The following POU2F1 variants were observed in gnomAD, a reference collection of about 807,000 sequenced individuals.
POU2F1 encodes POU class 2 homeobox 1.
POU2F1 carries 16 observed loss-of-function variants against 84.9 expected under a neutral mutation model. That is an observed-to-expected ratio of 0.19 (90% confidence interval 0.13 to 0.29). The LOEUF (loss-of-function observed/expected upper bound fraction) is 0.29, where lower values mean the gene tolerates loss of function less well. Among genes scored for constraint, POU2F1 ranks in the 10% least tolerant of loss-of-function variants. The pLI is 1.00. For missense variants in POU2F1, 738 were observed against 942.6 expected, an observed-to-expected ratio of 0.78 and a Z score of 2.84; for synonymous variants, 368 against 368.3, an observed-to-expected ratio of 1.00 and a Z score of 0.01.
At chr1:167,348,421 T>C (rs1660584145) in intron 2 of POU2F1, among the ~76,000 whole-genome samples, 1 of 152,168 alleles carries the variant, frequency 6.6e-6, no homozygotes, top group Non-Finnish European at 1.5e-5. Context: ...CAAACTTTTT[T>C]CCATAGCAGC....
intron 1 of POU2F1, among the ~76,000 whole-genome samples, chr1:167,298,419 G>A (rs1381251743): frequency 6.6e-6 from 1 of 152,078 alleles, no homozygotes; most frequent in Non-Finnish European, 1.5e-5. Context: ...TAAGATAATA[G>A]CAAGCAGAAG....
intron 1 of POU2F1, among the ~76,000 whole-genome samples, chr1:167,248,794 A>G (rs1209618611): frequency 1.3e-5 from 2 of 152,196 alleles, no homozygotes; most frequent in Non-Finnish European, 2.9e-5. Context: ...ATTATGTGCC[A>G]ATTGCTATTC....
chr1:167,389,918 A>G (rs1388640820), intron 9 of POU2F1, among the ~76,000 whole-genome samples, 157 bp downstream of exon 9: 1 of 152,228 alleles, frequency 6.6e-6, no homozygotes, highest in Non-Finnish European at 1.5e-5. Flanking sequence ...CTGAACATGT[A>G]TAGACTTTTT....
chr1:167,235,818 A>G (rs1416934637), intron 1 of POU2F1, among the ~76,000 whole-genome samples: 1 of 152,218 alleles, frequency 6.6e-6, no homozygotes, highest in Non-Finnish European at 1.5e-5. Context: ...TAAGTGAATT[A>G]ATGCAGGAAC....
At chr1:167,347,613 T>C (rs1203871635) in intron 2 of POU2F1, among the ~76,000 whole-genome samples, 2 of 152,234 alleles carry the variant, frequency 1.3e-5, no homozygotes, top group African/African-American at 4.8e-5. Context: ...GTTGTGCAGC[T>C]ACCAATCTAT....
intron 3 of POU2F1, among the ~76,000 whole-genome samples, chr1:167,367,126 C>T (rs142163982): frequency 7.2e-5 from 11 of 152,180 alleles, no homozygotes; most frequent in Admixed American, 2.6e-4. Context: ...TTTGAAATTG[C>T]GACACCATTG....
chr1:167,403,513 A>G (rs1037619494), intron 13 of POU2F1, among the ~76,000 whole-genome samples: 6 of 151,964 alleles, frequency 3.9e-5, no homozygotes, highest in Non-Finnish European at 8.8e-5. Flanking sequence ...CCCCTTTTTA[A>G]TTTGTTTTTC....
chr1:167,386,664 A>T (rs551322005), intron 8 of POU2F1, among the ~76,000 whole-genome samples: 1 of 152,378 alleles, frequency 6.6e-6, no homozygotes, highest in African/African-American at 2.4e-5. Context: ...CATAAGCTTT[A>T]GCATATCCAT....
At chr1:167,266,150 A>C (rs931817021) in intron 1 of POU2F1, among the ~76,000 whole-genome samples, 1 of 152,228 alleles carries the variant, frequency 6.6e-6, no homozygotes, top group African/African-American at 2.4e-5. Flanking sequence ...ATTTATTTTA[A>C]GTTTCAGGAT....
intron 13 of POU2F1, among the ~76,000 whole-genome samples, chr1:167,404,119 T>G (rs1649392874): frequency 6.6e-6 from 1 of 151,576 alleles, no homozygotes; most frequent in Non-Finnish European, 1.5e-5. Flanking sequence ...TTGCCCTCAT[T>G]GGCCTTCAGC....
chr1:167,260,590 A>G (rs765964595), intron 1 of POU2F1, among the ~76,000 whole-genome samples: 1 of 152,172 alleles, frequency 6.6e-6, no homozygotes, highest in Non-Finnish European at 1.5e-5. Context: ...TTCTCTCAAC[A>G]TGATTTGTTG....
chr1:167,347,369 A>G (rs1366409835), intron 2 of POU2F1, among the ~76,000 whole-genome samples: 1 of 152,166 alleles, frequency 6.6e-6, no homozygotes, highest in Non-Finnish European at 1.5e-5. Flanking sequence ...AGAAATTGTT[A>G]ATCTTATTTT....
intron 1 of POU2F1, among the ~76,000 whole-genome samples, chr1:167,299,056 G>T (rs540045518): frequency 6.6e-6 from 1 of 151,760 alleles, no homozygotes; most frequent in South Asian, 2.1e-4. Context: ...CCAGCTTCTC[G>T]GGAAGCTGAG....
chr1:167,390,200 A>G (rs1648295968), intron 9 of POU2F1, among the ~76,000 whole-genome samples: 1 of 152,138 alleles, frequency 6.6e-6, no homozygotes, highest in Non-Finnish European at 1.5e-5. Flanking sequence ...TTCCTCAGCC[A>G]TGTTGTTTTT....
intron 1 of POU2F1, among the ~76,000 whole-genome samples, chr1:167,288,934 A>G (rs928981550): frequency 6.6e-6 from 1 of 152,242 alleles, no homozygotes; most frequent in African/African-American, 2.4e-5. Context: ...TTATAACAAT[A>G]AGTAAAATGG....
chr1:167,241,704 T>C (rs1345776998), intron 1 of POU2F1: 1 of 152,226 alleles, frequency 6.6e-6, no homozygotes, highest in Admixed American at 6.5e-5. Flanking sequence ...TGCTAAGCAC[T>C]GTTCTAATGT....
chr1:167,376,303 A>G (rs1660326062), intron 7 of POU2F1, 148 bp downstream of exon 7: 1 of 1,088,360 alleles, frequency 9.2e-7, no homozygotes, highest in Non-Finnish European at 1.2e-6. Flanking sequence ...CGTTTAAAAA[A>G]AGTTTTGTTT....
chr1:167,321,820 C>T (rs995417143), intron 1 of POU2F1, among the ~76,000 whole-genome samples: 1 of 152,140 alleles, frequency 6.6e-6, no homozygotes, highest in Non-Finnish European at 1.5e-5. Flanking sequence ...GGACATACCC[C>T]ATTTCCTGCA....
intron 1 of POU2F1, among the ~76,000 whole-genome samples, chr1:167,225,221 T>C (rs1007722759): frequency 2.2e-4 from 34 of 152,228 alleles, no homozygotes; most frequent in African/African-American, 8.0e-4. Flanking sequence ...CCAACTGTTT[T>C]TGATTTCTAA....
Sources: gnomAD v4.1 joint callset for allele counts (sites outside exome capture counted in the v4.1 genomes callset) on GRCh38, gnomAD v4.1.1 for gene constraint, MANE v1.5 for transcripts, NCBI Gene and HGNC (gene_info 2026-07-23, HGNC 2026-07-21) for gene names.